Variants in C2CD5 observed in about 807,000 individuals in gnomAD.
C2CD5 encodes the protein C2 domain-containing protein 5.
In C2CD5, 109 loss-of-function variants were observed where a neutral mutation model predicts 130.3. That is an observed-to-expected ratio of 0.84 (90% confidence interval 0.72 to 0.98). The LOEUF (loss-of-function observed/expected upper bound fraction) is 0.98, where lower values mean the gene tolerates loss of function less well. C2CD5 is among the 50% of genes least tolerant of loss of function. The probability of loss-of-function intolerance (pLI) is 0.00; values close to 1 mark genes in which losing one functional copy is unlikely to be tolerated. For synonymous variants in C2CD5, 454 were observed against 429.2 expected (o/e 1.06, Z -0.71); for missense variants, 996 against 1,261.8 (o/e 0.79, Z 3.19).
chr12:22,543,911 G>A (rs2271471), intron 2 of C2CD5, 150 bp downstream of exon 2: 81,368 of 621,494 alleles, frequency 0.13, 14,979 homozygotes, highest in East Asian at 0.79. Context: ...TGAGGTCTCG[G>A]CGGTCATCCC....
intron 26 of C2CD5, among the ~76,000 whole-genome samples, chr12:22,450,825 G>A (rs1342921017): frequency 6.6e-6 from 1 of 151,928 alleles, no homozygotes; most frequent in African/African-American, 2.4e-5. Context: ...ATCAGCAGGG[G>A]ACTAATTAAA....
intron 3 of C2CD5, among the ~76,000 whole-genome samples, chr12:22,533,216 A>C (rs1951484381): frequency 6.6e-6 from 1 of 152,138 alleles, no homozygotes; most frequent in Non-Finnish European, 1.5e-5. Flanking sequence ...GTGGTCTGGT[A>C]ATAGCTTTGG....
intron 21 of C2CD5, 124 bp from the exon 22 acceptor site, chr12:22,469,919 G>T: frequency 1.9e-6 from 1 of 536,636 alleles, no homozygotes; most frequent in Non-Finnish European, 3.2e-6. Flanking sequence ...AATTTATTCT[G>T]GTCATTTTCT....
intron 10 of C2CD5, 109 bp downstream of exon 10, chr12:22,506,598 ACTTT>A (rs1948566771): frequency 4.5e-6 from 3 of 667,322 alleles, no homozygotes; most frequent in Non-Finnish European, 8.1e-6. Flanking sequence ...GCTAGTTTAT[ACTTT>A]CTTTTCATTT....
intron 3 of C2CD5, among the ~76,000 whole-genome samples, chr12:22,532,643 CA>C (rs1951408093): frequency 6.6e-6 from 1 of 152,148 alleles, no homozygotes; most frequent in Non-Finnish European, 1.5e-5. Context: ...TAATATAAAC[CA>C]TAAGCAAAGC....
intron 22 of C2CD5, among the ~76,000 whole-genome samples, chr12:22,468,087 G>A (rs1329203481): frequency 2.8e-4 from 23 of 82,686 alleles, no homozygotes; most frequent in Non-Finnish European, 4.0e-4. Context: ...TTTTTTTTTT[G>A]GCCCCTATTG....
At chr12:22,505,181 T>G (rs2136694593) in intron 10 of C2CD5, among the ~76,000 whole-genome samples, 1 of 152,042 alleles carries the variant, frequency 6.6e-6, no homozygotes, top group Admixed American at 6.5e-5. Context: ...TAATGCTCTG[T>G]ATCCTCAAAA....
chr12:22,465,763 T>C (rs1238371499), intron 22 of C2CD5, among the ~76,000 whole-genome samples: 1 of 152,124 alleles, frequency 6.6e-6, no homozygotes, highest in Non-Finnish European at 1.5e-5. Context: ...ATGAAAATTG[T>C]ATTAAAAATT....
In C2CD5 at chr12:22,471,505, A is replaced by AT. The variant is rs1371091972; in HGVS notation, c.2269-18dup. 1.5e-6 allele frequency: 2 copies of AT among 1,375,156 alleles called. No homozygotes were observed. The highest frequency in any genetic ancestry group is 4.7e-5 in the East Asian group (2 of 42,932). 85.2% of individuals were successfully genotyped at this position (1,375,156 alleles called of 1,614,324 possible). On this transcript the variant is annotated splice_polypyrimidine_tract_variant and intron_variant, in intron 19 of 26. Coordinates refer to ENST00000446597, the MANE Select transcript of C2CD5 (RefSeq NM_001286176.2). The stretch of plus-strand genomic sequence containing the variant: ...GTACAGGCTCTACACAATAGAAAAT[A>AT]TTAGTAATGTCACTTTTTTATTTAA...
intron 8 of C2CD5, among the ~76,000 whole-genome samples, chr12:22,515,310 T>C (rs1487934320): frequency 6.6e-6 from 1 of 152,184 alleles, no homozygotes; most frequent in East Asian, 1.9e-4. Flanking sequence ...AGCAAGACCA[T>C]CTATCCCACG....
intron 10 of C2CD5, among the ~76,000 whole-genome samples, chr12:22,496,791 T>C (rs1947076306): frequency 6.6e-6 from 1 of 151,898 alleles, no homozygotes; most frequent in Non-Finnish European, 1.5e-5. Flanking sequence ...TCTTTTAATA[T>C]ATCCTTTTAA....
chr12:22,486,289 A>G (rs916416146), intron 12 of C2CD5, among the ~76,000 whole-genome samples: 12 of 151,752 alleles, frequency 7.9e-5, no homozygotes, highest in Admixed American at 7.2e-4. Context: ...CCCAGCTACT[A>G]CACTGCTCTC....
At chr12:22,455,795 G>A (rs542540406) in intron 25 of C2CD5, among the ~76,000 whole-genome samples, 2 of 152,020 alleles carry the variant, frequency 1.3e-5, no homozygotes, top group South Asian at 4.2e-4. Flanking sequence ...AGCAATTCTC[G>A]TGCCTCAGCC....
chr12:22,484,679 T>C lies in C2CD5; in HGVS notation c.1550+18A>G. ...CATACTTTTTCAGGGACACCGAGTG[T>C]TGTTTTCACAAACATACCTTGCTTG... On this transcript the variant is annotated intron_variant, in intron 13 of 26. Transcript: ENST00000446597. 6.9e-7 allele frequency: 1 copy of C among 1,444,648 alleles called. No individual in the cohort carries two copies. The highest frequency in any genetic ancestry group is 9.3e-7 in the Non-Finnish European group (1 of 1,072,706). The allele number at this position is 1,444,648 out of a possible 1,614,324, so 89.5% of individuals were successfully genotyped here. A position where few individuals can be genotyped will look rare whatever the true frequency, so the allele number is the denominator to read the frequency against.
chr12:22,526,031 C>T (rs1265559427), intron 4 of C2CD5, among the ~76,000 whole-genome samples: 4 of 152,172 alleles, frequency 2.6e-5, no homozygotes, highest in African/African-American at 9.7e-5. Context: ...ATATTAAATG[C>T]ATTTTCAACT....
chr12:22,493,449 G>T, intron 10 of C2CD5, 112 bp from the exon 11 acceptor site: 3 of 565,590 alleles, frequency 5.3e-6, no homozygotes, highest in African/African-American at 1.9e-5. Flanking sequence ...ATTCTATAAT[G>T]GATTTTTAAA....
At chr12:22,460,950 C>T (rs1941021862) in intron 22 of C2CD5, among the ~76,000 whole-genome samples, 1 of 152,174 alleles carries the variant, frequency 6.6e-6, no homozygotes, top group Non-Finnish European at 1.5e-5. Flanking sequence ...TAAAAGGGAT[C>T]ACCAGGTGGG....
At chr12:22,535,366 T>C in intron 2 of C2CD5, 22 bp from the exon 3 acceptor site, 2 of 1,235,606 alleles carry the variant, frequency 1.6e-6, no homozygotes, top group South Asian at 1.2e-5. Context: ...TAAGAAATTA[T>C]TCACATATGA....
chr12:22,451,209 T>C (rs1322522313), intron 26 of C2CD5, among the ~76,000 whole-genome samples: 4 of 152,028 alleles, frequency 2.6e-5, no homozygotes, highest in South Asian at 4.1e-4. Flanking sequence ...GTACTACCTA[T>C]TCAAAAATAT....
Sources: gnomAD v4.1 joint callset for allele counts (sites outside exome capture counted in the v4.1 genomes callset) on GRCh38, gnomAD v4.1.1 for gene constraint, MANE v1.5 for transcripts, NCBI Gene and HGNC (gene_info 2026-07-23, HGNC 2026-07-21) for gene names.